The following SUGT1 variants were observed in gnomAD, a reference collection of about 807,000 sequenced individuals.
SUGT1 encodes SGT1 assembly cochaperone of MIS12 kinetochore complex, also known as protein SGT1 homolog.
Under a neutral mutation model 56.1 loss-of-function variants are expected in SUGT1, and 15 were observed. The ratio of observed to expected loss-of-function variants is 0.27; its 90% CI spans 0.18 to 0.41. SUGT1 has a LOEUF of 0.41. Ranked by LOEUF, SUGT1 falls within the 10% of genes least tolerant of loss-of-function variation. SUGT1 has a pLI of 1.00. For missense variants in SUGT1, 347 were observed against 382.2 expected, an observed-to-expected ratio of 0.91 and a Z score of 0.77; for synonymous variants, 123 against 128.6, an observed-to-expected ratio of 0.96 and a Z score of 0.30.
intron 12 of SUGT1, among the ~76,000 whole-genome samples, chr13:52,686,747 C>T (rs780489645): frequency 8.6e-5 from 13 of 152,042 alleles, no homozygotes; most frequent in Non-Finnish European, 1.3e-4. Context: ...TGGTTCAAAT[C>T]CATTGATTTT....
intron 4 of SUGT1, 42 bp from the exon 5 acceptor site, chr13:52,659,137 A>G (rs748081225): frequency 1.4e-6 from 2 of 1,471,454 alleles, no homozygotes; most frequent in South Asian, 1.4e-5. Flanking sequence ...TATTTTCCAG[A>G]TTTTTTGTGT....
At chr13:52,686,080 A>T (rs1177901870) in intron 12 of SUGT1, among the ~76,000 whole-genome samples, 1 of 152,168 alleles carries the variant, frequency 6.6e-6, no homozygotes, top group Non-Finnish European at 1.5e-5. Flanking sequence ...GGCGCATGCC[A>T]CTACGCCTGG....
chr13:52,676,359 G>A (rs754163627), intron 11 of SUGT1, 39 bp downstream of exon 11: 2 of 1,505,946 alleles, frequency 1.3e-6, no homozygotes, highest in East Asian at 2.3e-5. Flanking sequence ...TATTCATATT[G>A]TGTTGTGTAA....
Position 52,687,862 on chromosome 13 carries a change from G to A in SUGT1, c.*27G>A. The A allele has an allele frequency of 6.7e-7, 1 of 1,488,426 alleles. No homozygotes were observed. The highest frequency in any genetic ancestry group is 9.1e-7 in the Non-Finnish European group (1 of 1,094,894). 92.2% of individuals were successfully genotyped at this position (1,488,426 alleles called of 1,614,324 possible). A position where few individuals can be genotyped will look rare whatever the true frequency, so the allele number is the denominator to read the frequency against. On this transcript the variant is annotated 3_prime_UTR_variant, in exon 13 of 13. Transcript: ENST00000310528. ...TAAATTAATTTGCTCTCATCGTATT[G>A]TGTATATTCACCTAATGCCCATTGT...
At chr13:52,671,182 C>T (rs1042194241) in intron 10 of SUGT1, among the ~76,000 whole-genome samples, 1 of 151,226 alleles carries the variant, frequency 6.6e-6, no homozygotes, top group Non-Finnish European at 1.5e-5. Flanking sequence ...TTTTCTTTTG[C>T]TTTTTTAGTA....
At chr13:52,661,575 G>A (rs1226030268) in intron 5 of SUGT1, 1 of 416,342 alleles carries the variant, frequency 2.4e-6, no homozygotes, top group Non-Finnish European at 4.8e-6. Flanking sequence ...TTACAGGTAT[G>A]AGCCACCATG....
chr13:52,675,103 C>A (rs1963091640), intron 10 of SUGT1, among the ~76,000 whole-genome samples: 1 of 152,150 alleles, frequency 6.6e-6, no homozygotes, highest in Non-Finnish European at 1.5e-5. Flanking sequence ...AGACCTACCC[C>A]TTCACTCTTG....
chr13:52,671,691 A>G (rs552995759), intron 10 of SUGT1, among the ~76,000 whole-genome samples: 3 of 152,256 alleles, frequency 2.0e-5, no homozygotes, highest in African/African-American at 4.8e-5. Context: ...CTTTTCATAC[A>G]TAGTGTCATT....
chr13:52,659,743 C>T (rs1178182718), intron 5 of SUGT1, among the ~76,000 whole-genome samples: 1 of 139,614 alleles, frequency 7.2e-6, no homozygotes, highest in Non-Finnish European at 1.5e-5. Flanking sequence ...TGAAAAGTAT[C>T]ACAGTGGTGT....
intron 12 of SUGT1, among the ~76,000 whole-genome samples, chr13:52,685,345 T>G (rs1963541326): frequency 1.3e-5 from 2 of 151,512 alleles, no homozygotes; most frequent in Non-Finnish European, 2.9e-5. Flanking sequence ...TCCTCCTGCC[T>G]TGTCCTCCCA....
At chr13:52,668,845 A>G (rs552072560) in intron 10 of SUGT1, among the ~76,000 whole-genome samples, 1 of 152,196 alleles carries the variant, frequency 6.6e-6, no homozygotes, top group East Asian at 1.9e-4. Context: ...AAAAAAAAAA[A>G]AAGATTGTTA....
intron 5 of SUGT1, chr13:52,661,585 G>A: frequency 4.8e-6 from 2 of 416,116 alleles, no homozygotes; most frequent in South Asian, 1.7e-5. Context: ...GAGCCACCAT[G>A]CCCGGCCAAA....
chr13:52,687,647 G>A, intron 12 of SUGT1, 87 bp from the exon 13 acceptor site: 1 of 939,986 alleles, frequency 1.1e-6, no homozygotes, highest in Non-Finnish European at 1.5e-6. Context: ...CCAATATTTG[G>A]GGCTCTATGC....
At chr13:52,664,156 T>C (rs1205960015) in intron 8 of SUGT1, 99 bp downstream of exon 8, 1 of 1,300,066 alleles carries the variant, frequency 7.7e-7, no homozygotes, top group East Asian at 2.4e-5. Flanking sequence ...CATGTGATTT[T>C]TAAGTTTTTG....
At chr13:52,686,202 A>G (rs1963584023) in intron 12 of SUGT1, among the ~76,000 whole-genome samples, 1 of 152,184 alleles carries the variant, frequency 6.6e-6, no homozygotes, top group African/African-American at 2.4e-5. Context: ...TGCTGGAATT[A>G]CAGGTGTGAG....
chr13:52,682,211 T>C (rs572750598), intron 12 of SUGT1, among the ~76,000 whole-genome samples: 6 of 152,280 alleles, frequency 3.9e-5, no homozygotes, highest in Non-Finnish European at 8.8e-5. Flanking sequence ...ATTTATTTTT[T>C]ATTTAGAGAC....
chr13:52,658,666 C>G (rs1962280122), intron 4 of SUGT1, among the ~76,000 whole-genome samples, 198 bp downstream of exon 4: 1 of 149,996 alleles, frequency 6.7e-6, no homozygotes, highest in Non-Finnish European at 1.5e-5. Flanking sequence ...GAGATCTGTA[C>G]TTAGTAAATT....
At chr13:52,655,032 A>G (rs1962093943) in intron 2 of SUGT1, among the ~76,000 whole-genome samples, 1 of 152,220 alleles carries the variant, frequency 6.6e-6, no homozygotes, top group Non-Finnish European at 1.5e-5. Flanking sequence ...GACCAGCATT[A>G]TCAGCATCAC....
At position 52,699,811 on chromosome 13, in the gene SUGT1, A is replaced by G. The variant is rs917762578; in HGVS notation, c.*11976A>G. On this transcript the variant is annotated 3_prime_UTR_variant, in exon 13 of 13. Transcript: ENST00000310528. The stretch of plus-strand genomic sequence containing the variant: ...CTTAGAAGGAACCCTGAAGGACAGG[A>G]CGCCATAGAAATCCTGTTTTTTTAA... 2.6e-5 allele frequency: 4 copies of G among 152,216 alleles called. No homozygotes were observed. 9.4% of individuals were successfully genotyped at this position (152,216 alleles called of 1,614,324 possible).
Sources: allele counts gnomAD v4.1 joint callset (sites outside exome capture counted in the v4.1 genomes callset), GRCh38; gene constraint gnomAD v4.1.1; transcripts MANE v1.5; gene names NCBI Gene and HGNC (gene_info 2026-07-23, HGNC 2026-07-21).